The following ANO3 variants were observed in gnomAD, a reference collection of about 807,000 sequenced individuals.
ANO3 encodes the protein anoctamin-3.
ANO3 carries 99 observed loss-of-function variants against 144.8 expected under a neutral mutation model. The observed-to-expected ratio is 0.68, with a 90% CI of 0.58 to 0.81. The LOEUF is 0.81. Among genes scored for constraint, ANO3 ranks in the 30% least tolerant of loss-of-function variants. ANO3 has a pLI of 0.00. For synonymous variants in ANO3, 414 were observed against 392.6 expected (o/e 1.05, Z -0.64); for missense variants, 905 against 1,202.2 (o/e 0.75, Z 3.66).
chr11:26,382,943 T>C (rs151082930), intron 1 of ANO3, among the ~76,000 whole-genome samples: 2,033 of 152,276 alleles, frequency 0.013, 59 homozygotes, highest in Admixed American at 0.073. Context: ...TAACCTGTGA[T>C]GTCTCTGACT....
At chr11:26,237,554 T>C (rs1447517550) in intron 1 of ANO3, among the ~76,000 whole-genome samples, 4 of 151,936 alleles carry the variant, frequency 2.6e-5, no homozygotes, top group African/African-American at 9.6e-5. Flanking sequence ...AAAATTATCA[T>C]TTTAAAAAAT....
intron 9 of ANO3, among the ~76,000 whole-genome samples, chr11:26,536,666 C>G (rs867744245): frequency 6.6e-6 from 1 of 151,920 alleles, no homozygotes; most frequent in African/African-American, 2.4e-5. Flanking sequence ...AATTACTCTT[C>G]GAAAACATTA....
chr11:26,261,093 G>A (rs540472311), intron 1 of ANO3, among the ~76,000 whole-genome samples: 1 of 152,224 alleles, frequency 6.6e-6, no homozygotes, highest in African/African-American at 2.4e-5. Flanking sequence ...ACATCAACAA[G>A]ATGAGAGAAT....
intron 8 of ANO3, among the ~76,000 whole-genome samples, chr11:26,531,607 T>C (rs921768422): frequency 4.6e-5 from 7 of 152,160 alleles, no homozygotes; most frequent in African/African-American, 1.7e-4. Context: ...AAATAATTAC[T>C]GTAGTAGTGA....
chr11:26,416,149 A>T lies in ANO3; in HGVS notation c.47-25769A>T, dbSNP rs186500564. On this transcript the variant is annotated intron_variant, in intron 1 of 26. Transcript: ENST00000256737. ...CATCTAAACTTTATTCTCCTTCTCTACCCTAAGTAAAATAGTATGCATTTT... is the reference window on the plus strand; with the variant it reads ...CATCTAAACTTTATTCTCCTTCTCTTCCCTAAGTAAAATAGTATGCATTTT... Among the ~76,000 whole-genome samples the T allele has an allele frequency of 9.2e-5, 14 of 152,068 alleles. No homozygotes were observed. In the East Asian group the frequency reaches 2.7e-3, roughly 30 times the overall value.
chr11:26,253,433 A>G (rs1431791832), intron 1 of ANO3, among the ~76,000 whole-genome samples: 1 of 152,124 alleles, frequency 6.6e-6, no homozygotes, highest in Non-Finnish European at 1.5e-5. Context: ...GGAGAGGATC[A>G]GGAAAAATAA....
chr11:26,335,803 G>A (rs1481878608), intron 1 of ANO3, among the ~76,000 whole-genome samples: 1 of 152,118 alleles, frequency 6.6e-6, no homozygotes, highest in Non-Finnish European at 1.5e-5. Flanking sequence ...ACACCTTTAC[G>A]AGAATTGCAG....
chr11:26,473,402 TATC>T (rs1433852456), intron 4 of ANO3, among the ~76,000 whole-genome samples: 12 of 151,972 alleles, frequency 7.9e-5, no homozygotes, highest in African/African-American at 2.9e-4. Context: ...ATTACAATCA[TATC>T]ATTATGTGCA....
chr11:26,486,192 CT>C (rs1860440243), intron 4 of ANO3, among the ~76,000 whole-genome samples: 1 of 151,842 alleles, frequency 6.6e-6, no homozygotes, highest in Non-Finnish European at 1.5e-5. Context: ...AAAACCCTGT[CT>C]CTACTAAAAA....
At chr11:26,296,809 T>C (rs1377368415) in intron 1 of ANO3, among the ~76,000 whole-genome samples, 1 of 152,170 alleles carries the variant, frequency 6.6e-6, no homozygotes, top group Non-Finnish European at 1.5e-5. Context: ...AGGAGACAGC[T>C]TTTACTATGA....
intron 1 of ANO3, among the ~76,000 whole-genome samples, chr11:26,211,511 A>T (rs1851931936): frequency 6.6e-6 from 1 of 152,192 alleles, no homozygotes; most frequent in African/African-American, 2.4e-5. Flanking sequence ...CCACAATGAG[A>T]TACCATCTCA....
At chr11:26,283,363 T>C (rs1853727511) in intron 1 of ANO3, among the ~76,000 whole-genome samples, 1 of 109,448 alleles carries the variant, frequency 9.1e-6, no homozygotes, top group South Asian at 3.0e-4. Flanking sequence ...TATATATATA[T>C]ATAGCGAGCA....
At chr11:26,219,698 A>C (rs576178412) in intron 1 of ANO3, among the ~76,000 whole-genome samples, 76 of 152,120 alleles carry the variant, frequency 5.0e-4, no homozygotes, top group Non-Finnish European at 8.4e-4. Context: ...GTACATTCTC[A>C]TGAGTCTGGT....
At chr11:26,415,777 G>C (rs113459654) in intron 1 of ANO3, among the ~76,000 whole-genome samples, 2 of 152,150 alleles carry the variant, frequency 1.3e-5, no homozygotes, top group African/African-American at 4.8e-5. Flanking sequence ...ATTGAACCGG[G>C]TATTAAATCT....
chr11:26,447,862 T>G (rs752871914), intron 3 of ANO3, among the ~76,000 whole-genome samples: 2 of 152,176 alleles, frequency 1.3e-5, no homozygotes, highest in Non-Finnish European at 2.9e-5. Context: ...TTTATTAATC[T>G]TGGAAGCCCC....
chr11:26,398,010 CG>C (rs1857060134), intron 1 of ANO3, among the ~76,000 whole-genome samples: 1 of 141,866 alleles, frequency 7.0e-6, no homozygotes, highest in Non-Finnish European at 1.5e-5. Context: ...TAAGGATGGG[CG>C]AAAAAAAAAA....
chr11:26,543,643 G>C (rs1432070988), intron 11 of ANO3, among the ~76,000 whole-genome samples: 4 of 152,008 alleles, frequency 2.6e-5, no homozygotes, highest in Non-Finnish European at 5.9e-5. Flanking sequence ...AGTGTGTGAT[G>C]TTCACCACCC....
chr11:26,453,303 A>C (rs1185009872), intron 3 of ANO3, among the ~76,000 whole-genome samples: 6 of 151,326 alleles, frequency 4.0e-5, no homozygotes, highest in Non-Finnish European at 8.9e-5. Context: ...TAAACAGTCA[A>C]GACCCATCAG....
At chr11:26,631,348 A>T (rs1036921718) in intron 18 of ANO3, among the ~76,000 whole-genome samples, 3 of 151,850 alleles carry the variant, frequency 2.0e-5, no homozygotes, top group Non-Finnish European at 4.4e-5. Flanking sequence ...CTTTGAAGGA[A>T]AAACTAAAAT....
Sources: allele counts gnomAD v4.1 joint callset (sites outside exome capture counted in the v4.1 genomes callset), GRCh38; gene constraint gnomAD v4.1.1; transcripts MANE v1.5; gene names NCBI Gene and HGNC (gene_info 2026-07-23, HGNC 2026-07-21).